The following DHRSX variants were observed in gnomAD, a reference collection of about 807,000 sequenced individuals.
DHRSX encodes the protein dehydrogenase/reductase X-linked.
Under a neutral mutation model 34.0 loss-of-function variants are expected in DHRSX, and 31 were observed. That is an observed-to-expected ratio of 0.91 (90% CI 0.69 to 1.23). The LOEUF is 1.23. Ranked by LOEUF, DHRSX falls within the 50% of genes most tolerant of loss-of-function variation. The pLI is 0.00. For synonymous variants in DHRSX, 201 were observed against 183.8 expected (o/e 1.09, Z -0.76); for missense variants, 414 against 428.1 (o/e 0.97, Z 0.29).
rs146449790 is a variant in DHRSX, at chrX:2,243,203, G to A, written c.624C>T (p.Tyr208=). Reference sequence around the variant, plus strand: ...GGACAAGGGCCAGCTTGCTCTGGGCGTAGGCTGCGTGGGGTGAGTAGCAGG... The same window carrying A: ...GGACAAGGGCCAGCTTGCTCTGGGCATAGGCTGCGTGGGGTGAGTAGCAGG... The part of the protein sequence containing the change: ...SSACYSPHAA[Y]AQSKLALVLF... Residue 208 remains tyrosine (Y), a synonymous_variant, in exon 6 of 7, where the codon TAC becomes TAT. Coordinates refer to ENST00000334651, the MANE Select transcript of DHRSX (RefSeq NM_145177.3). 3,938 of 1,613,850 alleles carry A rather than the reference G, an allele frequency of 2.4e-3. 11 individuals carry two copies. Among genetic ancestry groups the A allele is most frequent in the South Asian group, 4.8e-3 (433 of 91,070 alleles).
intron 1 of DHRSX, among the ~76,000 whole-genome samples, chrX:2,475,556 C>T (rs1435923652): frequency 5.3e-5 from 8 of 151,666 alleles, no homozygotes; most frequent in Non-Finnish European, 7.4e-5. Flanking sequence ...GCTAAGGGAC[C>T]GCCGCCAGGT....
chrX:2,225,132 G>A (rs1327830529), intron 6 of DHRSX, among the ~76,000 whole-genome samples: 1 of 139,460 alleles, frequency 7.2e-6, no homozygotes, highest in Admixed American at 7.2e-5. Flanking sequence ...TCATTCACAT[G>A]CACTCATTCA....
intron 5 of DHRSX, among the ~76,000 whole-genome samples, chrX:2,254,959 T>C (rs1480171050): frequency 7.7e-6 from 1 of 130,706 alleles, no homozygotes; most frequent in Admixed American, 7.9e-5. Context: ...CCCCCCCTTT[T>C]TTTTCTTTTT....
intron 1 of DHRSX, among the ~76,000 whole-genome samples, chrX:2,491,694 G>A (rs1291168718): frequency 7.2e-5 from 11 of 152,198 alleles, no homozygotes; most frequent in African/African-American, 2.2e-4. Context: ...AGGTGCATCC[G>A]TGATCTGTAA....
chrX:2,445,932 G>A (rs1228771559), intron 1 of DHRSX, among the ~76,000 whole-genome samples: 3 of 151,316 alleles, frequency 2.0e-5, no homozygotes, highest in African/African-American at 4.9e-5. Context: ...CCGACGCCAT[G>A]TACACACTGA....
chrX:2,246,034 T>C (rs1209445112), intron 5 of DHRSX, among the ~76,000 whole-genome samples: 1 of 149,664 alleles, frequency 6.7e-6, no homozygotes, highest in Non-Finnish European at 1.5e-5. Flanking sequence ...GTTGCACACG[T>C]CATCAGGACT....
At chrX:2,499,563 G>C (rs1353730414) in intron 1 of DHRSX, among the ~76,000 whole-genome samples, 2 of 152,070 alleles carry the variant, frequency 1.3e-5, no homozygotes, top group African/African-American at 4.8e-5. Flanking sequence ...TGCAGGCCAG[G>C]GGTTCAAGAC....
At position 2,265,140 on chromosome X, in the gene DHRSX, T is replaced by G. The variant is rs776970828; in HGVS notation, c.596+1600A>C. ...AGTGCTCAGCAGACGCAGGGAGCAC[T>G]GTCCCCAGAGCACCAGTGTCCAGCA... is the stretch of plus-strand genomic sequence containing the variant. On this transcript the variant is annotated intron_variant, in intron 5 of 6. Transcript: ENST00000334651. Among the ~76,000 whole-genome samples, 6 of 134,212 alleles carry G rather than the reference T, an allele frequency of 4.5e-5. No homozygotes were observed. In the East Asian group the frequency reaches 1.4e-3, roughly 31 times the overall value. The allele number at this position is 134,212 out of a possible 152,430, so 88.0% of individuals were successfully genotyped here. A position where few individuals can be genotyped will look rare whatever the true frequency, so the allele number is the denominator to read the frequency against.
intron 3 of DHRSX, among the ~76,000 whole-genome samples, chrX:2,399,432 C>T (rs1467145222): frequency 6.7e-6 from 1 of 149,712 alleles, no homozygotes; most frequent in Non-Finnish European, 1.5e-5. Flanking sequence ...ACAGGCCAGG[C>T]GTGATAGCTC....
At chrX:2,315,534 G>A (rs1256067734) in intron 3 of DHRSX, among the ~76,000 whole-genome samples, 11 of 152,198 alleles carry the variant, frequency 7.2e-5, no homozygotes, top group Middle Eastern at 3.4e-3. Context: ...TGAACCTAGC[G>A]AATATAGATG....
chrX:2,239,215 T>C (rs754215331), intron 6 of DHRSX, among the ~76,000 whole-genome samples: 115 of 152,214 alleles, frequency 7.6e-4, no homozygotes, highest in Non-Finnish European at 1.5e-3. Context: ...AGTTGCAGTT[T>C]GCTTGTTAAA....
chrX:2,419,876 A>C (rs1379240678), intron 2 of DHRSX, among the ~76,000 whole-genome samples: 1 of 151,544 alleles, frequency 6.6e-6, no homozygotes, highest in East Asian at 1.9e-4. Context: ...CTAAATGACG[A>C]GTTAATAGGT....
Position 2,415,659 on chromosome X carries a change from A to C in DHRSX, c.218-6846T>G, listed in dbSNP as rs1195589511. Among the ~76,000 whole-genome samples the C allele has an allele frequency of 2.0e-5, 3 of 151,530 alleles. No individual in the cohort carries two copies. In the East Asian group the frequency reaches 5.9e-4, roughly 30 times the overall value. On this transcript the variant is annotated intron_variant, in intron 2 of 6. Transcript: ENST00000334651. The stretch of plus-strand genomic sequence containing the variant: ...GACCTCATCATGACCTAACCCAACT[A>C]AACCTCATCATAATCTAACCCAACT...
chrX:2,343,050 G>T (rs1478255149), intron 3 of DHRSX, among the ~76,000 whole-genome samples: 1 of 152,112 alleles, frequency 6.6e-6, no homozygotes, highest in Non-Finnish European at 1.5e-5. Context: ...ACTCATGTCA[G>T]CATAACCAGA....
intron 1 of DHRSX, among the ~76,000 whole-genome samples, chrX:2,430,997 C>A (rs2043911857): frequency 6.6e-6 from 1 of 151,744 alleles, no homozygotes; most frequent in Non-Finnish European, 1.5e-5. Flanking sequence ...TGCACTCCAG[C>A]CTGGGTGACA....
chrX:2,288,001 T>C (rs1417686617), intron 4 of DHRSX, among the ~76,000 whole-genome samples: 12 of 152,178 alleles, frequency 7.9e-5, no homozygotes, highest in Non-Finnish European at 1.8e-4. Context: ...AAAGGGCCTT[T>C]GTAGATGTGA....
Position 2,365,012 on chromosome X carries a change from A to ATATC in DHRSX, c.286+43729_286+43732dup, listed in dbSNP as rs377639923. ...TTTCGCCTCCTCAGGGACAACTGGC[A>ATATC]TATCTATCTATCTATCTATCTGTCT... is the stretch of plus-strand genomic sequence containing the variant. On this transcript the variant is annotated intron_variant, in intron 3 of 6. Transcript: ENST00000334651. Among the ~76,000 whole-genome samples the ATATC allele has an allele frequency of 1.4e-3, 218 of 152,242 alleles. 1 individual carries two copies. The highest frequency in any genetic ancestry group is 2.4e-3 in the Non-Finnish European group (166 of 68,012).
intron 1 of DHRSX, among the ~76,000 whole-genome samples, chrX:2,494,949 G>T (rs964123550): frequency 4.6e-5 from 7 of 151,752 alleles, no homozygotes; most frequent in African/African-American, 1.7e-4. Context: ...TGGAGCAAAG[G>T]TTTATATTCT....
In DHRSX at chrX:2,424,995, C is replaced by T. The variant is rs192598532; in HGVS notation, c.217+202G>A. ...TCTCTACTAAAAATACAAAAATTATCCAGGCGTGGTGGTGCATGTCTGTAA... is the reference window on the plus strand; with the variant it reads ...TCTCTACTAAAAATACAAAAATTATTCAGGCGTGGTGGTGCATGTCTGTAA... On this transcript the variant is annotated intron_variant, in intron 2 of 6. Transcript: ENST00000334651. Among the ~76,000 whole-genome samples the T allele has an allele frequency of 6.4e-4, 98 of 152,142 alleles. 1 individual carries two copies. Among genetic ancestry groups the T allele is most frequent in the African/African-American group, 2.3e-3 (95 of 41,512 alleles).
Sources: allele counts gnomAD v4.1 joint callset (sites outside exome capture counted in the v4.1 genomes callset), GRCh38; gene constraint gnomAD v4.1.1; transcripts MANE v1.5; gene names NCBI Gene and HGNC (gene_info 2026-07-23, HGNC 2026-07-21).